HRC: variants seen among roughly 807,000 people sequenced by gnomAD.
HRC encodes the protein sarcoplasmic reticulum histidine-rich calcium-binding protein.
Under a neutral mutation model 61.4 loss-of-function variants are expected in HRC, and 41 were observed. The observed-to-expected ratio is 0.67, with a 90% CI of 0.52 to 0.87. The LOEUF is 0.87. Ranked by LOEUF, HRC falls within the 40% of genes least tolerant of loss-of-function variation. The probability of loss-of-function intolerance (pLI) is 0.00; values close to 1 mark genes in which losing one functional copy is unlikely to be tolerated. For missense variants in HRC, 839 were observed against 885.8 expected, an observed-to-expected ratio of 0.95 and a Z score of 0.67; for synonymous variants, 308 against 326.6, an observed-to-expected ratio of 0.94 and a Z score of 0.62.
In HRC at chr19:49,155,181, G is replaced by C; in HGVS notation, c.57C>G (p.Ser19Arg). 1 of 1,613,174 alleles carries C rather than the reference G, an allele frequency of 6.2e-7. No individual in the cohort carries two copies. Among genetic ancestry groups the C allele is most frequent in the South Asian group, 1.1e-5 (1 of 91,064 alleles). ...GGGTCATGGCCGGGGGGAGGAGCAG[G>C]CTGGCCACCCCAGCCCAGAGGACAG... ...HASVLWAGVA[S>R]LLLPPAMTQQ... Residue 19 changes from serine (S) to arginine (R), a missense_variant, in exon 1 of 6, where the codon AGC (serine) becomes AGG (arginine). Coordinates refer to ENST00000252825, the MANE Select transcript of HRC (RefSeq NM_002152.3). This position sits in a 1 kb window ranked among gnomAD's most constrained non-coding sequence, Gnocchi z 4.7.
Position 49,155,204 on chromosome 19 carries a change from C to T in HRC, c.34G>A (p.Val12Ile), listed in dbSNP as rs1487557252. 6.2e-7 allele frequency: 1 copy of T among 1,610,830 alleles called. No individual in the cohort carries two copies. The highest frequency in any genetic ancestry group is 8.5e-7 in the Non-Finnish European group (1 of 1,179,568). Residue 12 changes from valine to isoleucine, a missense_variant, in exon 1 of 6, where the codon GTC becomes ATC. Transcript: ENST00000252825. This position sits in a 1 kb window ranked among gnomAD's most constrained non-coding sequence, Gnocchi z 4.7. ...GHHRPWLHAS[V>I]LWAGVASLLL... ...AGGCTGGCCACCCCAGCCCAGAGGA[C>T]AGAAGCGTGCAGCCATGGCCTATGG...
In HRC at chr19:49,154,650, C is replaced by T; in HGVS notation, c.588G>A (p.Glu196=). The change falls in exon 1 of 6, where the codon GAG becomes GAA. Residue 196 remains glutamate (E), a synonymous_variant. Coordinates refer to ENST00000252825, the MANE Select transcript of HRC (RefSeq NM_002152.3). ...DGEDDEGEEE[E]EEEEEEEEAS... Reference sequence around the variant, plus strand: ...CCTCCTCTTCCTCCTCCTCCTCCTCCTCCTCCTCTTCTCCTTCATCATCTT... The same window carrying T: ...CCTCCTCTTCCTCCTCCTCCTCCTCTTCCTCCTCTTCTCCTTCATCATCTT... The T allele has an allele frequency of 6.2e-7, 1 of 1,604,274 alleles. No individual in the cohort carries two copies. The highest frequency in any genetic ancestry group is 8.5e-7 in the Non-Finnish European group (1 of 1,172,594).
In HRC at chr19:49,154,453, ACAT is replaced by A. The variant is rs61355957; in HGVS notation, c.782_784del (p.Asp261del). The A allele has an allele frequency of 0.38, 580,245 of 1,531,010 alleles. 79,411 individuals are homozygous for A. Among genetic ancestry groups the A allele is most frequent in the Admixed American group, 0.44 (24,594 of 55,424 alleles). The allele number at this position is 1,531,010 out of a possible 1,614,324, so 94.8% of individuals were successfully genotyped here. A position where few individuals can be genotyped will look rare whatever the true frequency, so the allele number is the denominator to read the frequency against. The stretch of plus-strand genomic sequence containing the variant: ...AGCCTGGTGTCTATATTCAATGGAG[ACAT>A]CATCATCATCATCATCATCATCATC... On this transcript the variant is annotated inframe_deletion, in exon 1 of 6. Coordinates refer to ENST00000252825, the MANE Select transcript of HRC (RefSeq NM_002152.3).
rs373000824 is a variant in HRC at position 49,154,181 on chromosome 19, C to A, written c.1057G>T (p.Glu353Ter). The change falls in exon 1 of 6, where the codon GAA becomes TAA. Residue 353 changes from glutamate to a stop codon, truncating the protein, a stop_gained. Coordinates refer to ENST00000252825, the MANE Select transcript of HRC (RefSeq NM_002152.3). LOFTEE classifies it high-confidence loss of function. ...HRHQGHRDEE[E>*]DEDVSTERWH... is the part of the protein sequence containing the mutation. ...CGTTCAGTGGACACATCCTCATCTT[C>A]TTCCTCGTCTCTGTGGCCTTGGTGC... is the stretch of plus-strand genomic sequence containing the variant. 4.0e-5 allele frequency: 64 copies of A among 1,614,064 alleles called. No homozygotes were observed. The highest frequency in any genetic ancestry group is 5.2e-5 in the Non-Finnish European group (61 of 1,180,042).
At chr19:49,152,778 A>C (rs2041374703) in intron 2 of HRC, among the ~76,000 whole-genome samples, 2 of 151,616 alleles carry the variant, frequency 1.3e-5, no homozygotes, top group South Asian at 4.2e-4. Context: ...TCACCGTGTT[A>C]GCCAGGATGG....
intron 3 of HRC, 88 bp from the exon 4 acceptor site, chr19:49,152,146 G>A (rs1003597316): frequency 1.6e-5 from 22 of 1,341,674 alleles, no homozygotes; most frequent in African/African-American, 5.7e-5. Flanking sequence ...CCGGACCAGA[G>A]GCTAGGTCTA....
chr19:49,151,467 A>G, intron 5 of HRC, 50 bp downstream of exon 5: 1 of 1,601,870 alleles, frequency 6.2e-7, no homozygotes, highest in Non-Finnish European at 8.6e-7. Context: ...ATAGCGAGAC[A>G]AGCACTTCTC....
In HRC at chr19:49,155,257, T is replaced by G. The variant is rs777320951; in HGVS notation, c.-20A>C. 1 of 1,568,028 alleles carries G rather than the reference T, an allele frequency of 6.4e-7. No individual in the cohort carries two copies. Among genetic ancestry groups the G allele is most frequent in the African/African-American group, 1.4e-5 (1 of 73,426 alleles). ...GCCCATGGGGACGGACAGGCAGCACTGGCTCCAGCTGCCTCTGCGGCAATG... is the reference window on the plus strand; with the variant it reads ...GCCCATGGGGACGGACAGGCAGCACGGGCTCCAGCTGCCTCTGCGGCAATG... On this transcript the variant is annotated 5_prime_UTR_variant, in exon 1 of 6. Transcript: ENST00000252825. This position sits in a 1 kb window ranked among gnomAD's most constrained non-coding sequence, Gnocchi z 4.7.
intron 3 of HRC, 65 bp downstream of exon 3, chr19:49,152,245 G>T (rs2041368071): frequency 1.4e-6 from 2 of 1,450,192 alleles, no homozygotes; most frequent in Non-Finnish European, 9.7e-7. Flanking sequence ...AGGGCTGGGG[G>T]TCCTCAGAGG....
rs775202357 is a variant in HRC at position 49,155,277 on chromosome 19, G to T, written c.-40C>A. The T allele has an allele frequency of 6.9e-5, 106 of 1,547,340 alleles. No individual in the cohort carries two copies. The highest frequency in any genetic ancestry group is 8.6e-5 in the Non-Finnish European group (100 of 1,156,758). On this transcript the variant is annotated 5_prime_UTR_variant, in exon 1 of 6. Coordinates refer to ENST00000252825, the MANE Select transcript of HRC (RefSeq NM_002152.3). The surrounding 1 kb of genome is among the most constrained non-coding windows in gnomAD (Gnocchi z 4.7). ...AGCACTGGCTCCAGCTGCCTCTGCG[G>T]CAATGTGGACAAACGTTGGGGTCTT...
intron 3 of HRC, 109 bp from the exon 4 acceptor site, chr19:49,152,167 G>T: frequency 7.8e-7 from 1 of 1,287,740 alleles, no homozygotes; most frequent in Non-Finnish European, 1.1e-6. Flanking sequence ...GGTTAAGGTT[G>T]GAGTCAGGAT....
At position 49,153,567 on chromosome 19, in the gene HRC, C is replaced by A. The variant is rs1336895962; in HGVS notation, c.1671G>T (p.Glu557Asp). 12 of 1,548,968 alleles carry A rather than the reference C, an allele frequency of 7.7e-6. No homozygotes were observed. Among genetic ancestry groups the A allele is most frequent in the Middle Eastern group, 1.7e-4 (1 of 5,872 alleles). ...EDEERREERA[E>D]VGAPLSPDHS... ...GGTCTGGGCTCAGTGGGGCCCCAAC[C>A]TCAGCCCTCTCTTCCCTCCTCTCCT... Residue 557 changes from glutamate (E) to aspartate (D), a missense_variant, in exon 1 of 6, where the codon GAG becomes GAT. By Grantham distance (45) the Glu-to-Asp change is conservative (BLOSUM62 2). Transcript: ENST00000252825. This position sits in a 1 kb window ranked among gnomAD's most constrained non-coding sequence, Gnocchi z 4.8.
Position 49,154,082 on chromosome 19 carries a change from G to C in HRC, c.1156C>G (p.Gln386Glu), listed in dbSNP as rs2041389102. The stretch of plus-strand genomic sequence containing the variant: ...TGGCTTGCAACATAGTGGCCGAACT[G>C]GACTGTGATCTCCTCTTCTTCCTCT... Reference protein sequence around the residue: ...EEEEEEEITVQFGHYVASHQP... With the variant: ...EEEEEEEITVEFGHYVASHQP... The change falls in exon 1 of 6, where the codon CAG becomes GAG. Residue 386 changes from glutamine (Q) to glutamate (E), a missense_variant. By Grantham distance (29) the Gln-to-Glu change is conservative. Coordinates refer to ENST00000252825, the MANE Select transcript of HRC (RefSeq NM_002152.3). The C allele has an allele frequency of 1.2e-6, 2 of 1,614,168 alleles. No homozygotes were observed. Among genetic ancestry groups the C allele is most frequent in the Non-Finnish European group, 1.7e-6 (2 of 1,180,038 alleles).
At chr19:49,152,609 G>A (rs796322647) in intron 2 of HRC, among the ~76,000 whole-genome samples, 3 of 143,128 alleles carry the variant, frequency 2.1e-5, no homozygotes, top group South Asian at 2.2e-4. Context: ...TCTCTCTGTC[G>A]CCCAGGCTGG....
intron 2 of HRC, 148 bp from the exon 3 acceptor site, chr19:49,152,526 G>GCCTAC: frequency 1.9e-6 from 1 of 533,728 alleles, no homozygotes; most frequent in Non-Finnish European, 3.2e-6. Context: ...CCCCAAACCA[G>GCCTAC]CCTCCCCTCC....
At position 49,153,878 on chromosome 19, in the gene HRC, G is replaced by T; in HGVS notation, c.1360C>A (p.Gln454Lys). 6.2e-7 allele frequency: 1 copy of T among 1,613,960 alleles called. No individual in the cohort carries two copies. The highest frequency in any genetic ancestry group is 1.3e-5 in the African/African-American group (1 of 74,958). The change falls in exon 1 of 6, where the codon CAA becomes AAA. Residue 454 changes from glutamine to lysine, a missense_variant. Gln to Lys is a moderately conservative substitution (Grantham distance 53, BLOSUM62 1). Coordinates refer to ENST00000252825, the MANE Select transcript of HRC (RefSeq NM_002152.3). This position sits in a 1 kb window ranked among gnomAD's most constrained non-coding sequence, Gnocchi z 4.8. The stretch of plus-strand genomic sequence containing the variant: ...CTCATCTCTTTGATGGACCCTCTTT[G>T]ACCATGGCCAGTTTCTTCATCTTGG... The part of the protein sequence containing the change: ...SHQDEETGHG[Q>K]RGSIKEMSHH...
rs552705446 is a variant in HRC at position 49,154,488 on chromosome 19, A to T, written c.750T>A (p.Asp250Glu). Reference protein sequence around the residue: ...HQGHEEDDDDDDDDDDDDDDD... With the variant: ...HQGHEEDDDDEDDDDDDDDDD... Reference sequence around the variant, plus strand: ...CATCATCATCATCATCATCATCATCATCATCATCGTCATCTTCTTCATGGC... The same window carrying T: ...CATCATCATCATCATCATCATCATCTTCATCATCGTCATCTTCTTCATGGC... Residue 250 changes from aspartate to glutamate, a missense_variant, in exon 1 of 6, where the codon GAT (aspartate) becomes GAA (glutamate). Physicochemically the swap from Asp to Glu is conservative, Grantham distance 45 (BLOSUM62 2). Transcript: ENST00000252825. The T allele has an allele frequency of 6.3e-7, 1 of 1,577,722 alleles. No individual in the cohort carries two copies. The highest frequency in any genetic ancestry group is 8.6e-7 in the Non-Finnish European group (1 of 1,158,528).
Position 49,154,778 on chromosome 19 carries a change from TG to T in HRC, c.459del (p.Ser154AlafsTer221). The T allele has an allele frequency of 6.2e-7, 1 of 1,614,020 alleles. No homozygotes were observed. Among genetic ancestry groups the T allele is most frequent in the Non-Finnish European group, 8.5e-7 (1 of 1,179,988 alleles). On this transcript the variant is annotated frameshift_variant, in exon 1 of 6. Coordinates refer to ENST00000252825, the MANE Select transcript of HRC (RefSeq NM_002152.3). LOFTEE classifies it high-confidence loss of function. Reference sequence around the variant, plus strand: ...TCTTGATGGCTGTGGCTCCTGTGGCTGGGGAGGTGGTGCCTGTGCTCAGCTG... The same window carrying T: ...TCTTGATGGCTGTGGCTCCTGTGGCTGGGAGGTGGTGCCTGTGCTCAGCTG... Reference protein sequence around the residue: ...EDSAEHRHHLPSHRSHSHQDE... With the variant: ...EDSAEHRHHLXSHRSHSHQDE...
rs1023927988 is a variant in HRC at position 49,151,895 on chromosome 19, CTT to C, written c.2026+107_2026+108del. 1.4e-5 allele frequency: 16 copies of C among 1,135,680 alleles called. No homozygotes were observed. In the African/African-American group the frequency reaches 1.8e-4, roughly 13 times the overall value. The allele number at this position is 1,135,680 out of a possible 1,614,324, so 70.4% of individuals were successfully genotyped here. The stretch of plus-strand genomic sequence containing the variant: ...TCAGAGCCTTGGCCACGCCTCCCCT[CTT>C]AGCCCCGCCCCACCAGCCTACCGGG... On this transcript the variant is annotated intron_variant, in intron 4 of 5. Transcript: ENST00000252825.
Sources: allele counts gnomAD v4.1 joint callset (sites outside exome capture counted in the v4.1 genomes callset), GRCh38; gene constraint gnomAD v4.1.1; non-coding constraint Gnocchi (gnomAD v3.1); transcripts MANE v1.5; gene names NCBI Gene and HGNC (gene_info 2026-07-23, HGNC 2026-07-21).